Variants in CRADD observed in about 807,000 individuals in gnomAD.
The protein encoded by CRADD is death domain-containing protein CRADD.
A neutral mutation model predicts 15.5 loss-of-function variants in CRADD; 9 were observed. The observed-to-expected ratio is 0.58, with a 90% CI of 0.35 to 1.01. The LOEUF (loss-of-function observed/expected upper bound fraction) is 1.01, where lower values mean the gene tolerates loss of function less well. Among genes scored for constraint, CRADD ranks in the 50% least tolerant of loss-of-function variants. The pLI, the probability that CRADD is intolerant of heterozygous loss-of-function variation, is 0.02. For missense variants in CRADD, 227 were observed against 250.3 expected, an observed-to-expected ratio of 0.91 and a Z score of 0.63; for synonymous variants, 118 against 107.6, an observed-to-expected ratio of 1.10 and a Z score of -0.60.
intron 2 of CRADD, among the ~76,000 whole-genome samples, chr12:93,749,392 G>A (rs1367989483): frequency 1.3e-5 from 2 of 152,170 alleles, no homozygotes; most frequent in Non-Finnish European, 2.9e-5. Context: ...GTCCTGGACA[G>A]GAGAATGGAT....
At chr12:93,683,467 G>A (rs1955364982) in intron 2 of CRADD, among the ~76,000 whole-genome samples, 1 of 152,248 alleles carries the variant, frequency 6.6e-6, no homozygotes, top group Admixed American at 6.5e-5. Flanking sequence ...AGCATTGGAT[G>A]TCTCAACTCT....
chr12:93,684,337 A>G (rs115563626), intron 2 of CRADD, among the ~76,000 whole-genome samples: 3,328 of 152,256 alleles, frequency 0.022, 100 homozygotes, highest in African/African-American at 0.072. Flanking sequence ...CAGGCATTAG[A>G]TTCTCATAAG....
chr12:93,870,407 C>T (rs949402126), intron 2 of CRADD, among the ~76,000 whole-genome samples: 1 of 152,126 alleles, frequency 6.6e-6, no homozygotes, highest in Non-Finnish European at 1.5e-5. Context: ...AAAATGAGGA[C>T]GGGACCTTCC....
rs112078899 is a variant in CRADD, at chr12:93,858,478, A to C, written c.299-35572A>C. 5.9e-3 allele frequency among the ~76,000 whole-genome samples: 901 copies of C among 152,340 alleles called. 11 individuals are homozygous for C. The highest frequency in any genetic ancestry group is 0.02 in the African/African-American group (847 of 41,578). ...TTTTTAGAGTACAAGACTTAGATTA[A>C]GTTCAACATTGTCAGTCCTCCCTTT... is the stretch of plus-strand genomic sequence containing the variant. On this transcript the variant is annotated intron_variant, in intron 2 of 2. Transcript: ENST00000548483.
At chr12:93,699,671 A>C (rs1228275931) in intron 2 of CRADD, among the ~76,000 whole-genome samples, 1 of 152,200 alleles carries the variant, frequency 6.6e-6, no homozygotes, top group African/African-American at 2.4e-5. Flanking sequence ...CCAGGGTATG[A>C]ATTTCTTCCC....
At chr12:93,773,235 G>A (rs1957103492) in intron 2 of CRADD, among the ~76,000 whole-genome samples, 1 of 152,186 alleles carries the variant, frequency 6.6e-6, no homozygotes, top group African/African-American at 2.4e-5. Context: ...GTTATGATGT[G>A]GTTTGACTGT....
At chr12:93,780,882 G>A (rs777926315) in intron 2 of CRADD, among the ~76,000 whole-genome samples, 1 of 150,590 alleles carries the variant, frequency 6.6e-6, no homozygotes, top group African/African-American at 2.4e-5. Flanking sequence ...GCATAGCTGG[G>A]ATTACAGGCA....
chr12:93,775,617 G>A (rs555918665), intron 2 of CRADD, among the ~76,000 whole-genome samples: 3 of 152,290 alleles, frequency 2.0e-5, no homozygotes, highest in East Asian at 3.9e-4. Context: ...AAGTGGCAGA[G>A]CTTGGCTTAG....
At chr12:93,729,531 A>G (rs1956426892) in intron 2 of CRADD, among the ~76,000 whole-genome samples, 1 of 152,172 alleles carries the variant, frequency 6.6e-6, no homozygotes, top group Non-Finnish European at 1.5e-5. Context: ...TCATGCCTGT[A>G]ATTGCAGCAC....
chr12:93,691,710 TC>T (rs1565873380), intron 2 of CRADD, among the ~76,000 whole-genome samples: 1 of 152,106 alleles, frequency 6.6e-6, no homozygotes, highest in Non-Finnish European at 1.5e-5. Flanking sequence ...AAGAGGGCCC[TC>T]CCCACCTCTA....
intron 2 of CRADD, among the ~76,000 whole-genome samples, chr12:93,777,445 G>A (rs563328324): frequency 6.6e-6 from 1 of 152,288 alleles, no homozygotes; most frequent in South Asian, 2.1e-4. Flanking sequence ...TGCCTGCTGT[G>A]CTCCAGCATT....
chr12:93,796,677 A>G (rs193148715), intron 2 of CRADD, among the ~76,000 whole-genome samples: 51 of 152,046 alleles, frequency 3.4e-4, no homozygotes, highest in Admixed American at 7.9e-4. Flanking sequence ...ATCAATGAAA[A>G]CATTTCTATG....
chr12:93,839,969 T>C (rs529654378), intron 2 of CRADD, among the ~76,000 whole-genome samples: 1 of 152,350 alleles, frequency 6.6e-6, no homozygotes, highest in South Asian at 2.1e-4. Flanking sequence ...GCCATAAAGA[T>C]ACTCCTGCCT....
chr12:93,690,499 T>C (rs1565872778), intron 2 of CRADD, among the ~76,000 whole-genome samples: 4 of 152,104 alleles, frequency 2.6e-5, no homozygotes, highest in African/African-American at 9.7e-5. Flanking sequence ...TCAGAATGTA[T>C]TGGGGGAGAA....
intron 2 of CRADD, among the ~76,000 whole-genome samples, chr12:93,845,227 G>A (rs1357446201): frequency 6.6e-6 from 1 of 152,194 alleles, no homozygotes; most frequent in African/African-American, 2.4e-5. Flanking sequence ...GAAAGCAGCA[G>A]CCAACCTAAA....
chr12:93,825,522 ACT>A (rs1327981626), intron 2 of CRADD, among the ~76,000 whole-genome samples: 3 of 151,946 alleles, frequency 2.0e-5, no homozygotes, highest in Admixed American at 6.6e-5. Context: ...TTATTTCAAA[ACT>A]CTCTGAACTG....
chr12:93,791,230 G>T (rs1438851333), intron 2 of CRADD, among the ~76,000 whole-genome samples: 1 of 152,056 alleles, frequency 6.6e-6, no homozygotes, highest in Non-Finnish European at 1.5e-5. Flanking sequence ...CATGTTCATT[G>T]CAGCATCATT....
At chr12:93,809,169 C>T (rs150587942) in intron 2 of CRADD, among the ~76,000 whole-genome samples, 94 of 152,328 alleles carry the variant, frequency 6.2e-4, no homozygotes, top group African/African-American at 1.4e-3. Context: ...CTGCCTTGCT[C>T]TCCCAAAGTG....
intron 2 of CRADD, among the ~76,000 whole-genome samples, chr12:93,739,446 A>G (rs150750240): frequency 1.3e-5 from 2 of 152,026 alleles, no homozygotes; most frequent in East Asian, 3.9e-4. Context: ...AAATTTGCCT[A>G]AACTCCTGAG....
Sources: allele counts gnomAD v4.1 joint callset (sites outside exome capture counted in the v4.1 genomes callset), GRCh38; gene constraint gnomAD v4.1.1; transcripts MANE v1.5; gene names NCBI Gene and HGNC (gene_info 2026-07-23, HGNC 2026-07-21).